Variants in TNN observed in about 807,000 individuals in gnomAD.
TNN encodes the protein tenascin N, also known as tenascin-N.
Under a neutral mutation model 134.4 loss-of-function variants are expected in TNN, and 122 were observed. The ratio of observed to expected loss-of-function variants is 0.91; its 90% CI spans 0.78 to 1.06. The LOEUF is 1.06. TNN is among the 50% of genes least tolerant of loss of function. The pLI is 0.00. For synonymous variants in TNN, 710 were observed against 670.3 expected, an observed-to-expected ratio of 1.06 and a Z score of -0.91; for missense variants, 1,739 against 1,699.4, an observed-to-expected ratio of 1.02 and a Z score of -0.41.
chr1:175,079,537 A>C lies in TNN; in HGVS notation c.614A>C (p.Asn205Thr). The C allele has an allele frequency of 1.3e-6, 2 of 1,567,668 alleles. No individual in the cohort carries two copies. The highest frequency in any genetic ancestry group is 1.7e-6 in the Non-Finnish European group (2 of 1,157,558). Reference protein sequence around the residue: ...ADCGYPACPENCSGHGECVRG... With the variant: ...ADCGYPACPETCSGHGECVRG... ...TGCGGCTACCCGGCCTGCCCTGAGAACTGCAGCGGACACGGCGAGTGCGTG... is the reference window on the plus strand; with the variant it reads ...TGCGGCTACCCGGCCTGCCCTGAGACCTGCAGCGGACACGGCGAGTGCGTG... Residue 205 changes from asparagine (N) to threonine (T), a missense_variant, in exon 3 of 19, where the codon AAC (asparagine) becomes ACC (threonine). Asn to Thr is a moderately conservative substitution (Grantham distance 65). Coordinates refer to ENST00000239462, the MANE Select transcript of TNN (RefSeq NM_022093.2).
intron 7 of TNN, among the ~76,000 whole-genome samples, 154 bp from the exon 8 acceptor site, chr1:175,097,263 C>T (rs1302337317): frequency 6.6e-6 from 1 of 152,170 alleles, no homozygotes; most frequent in Non-Finnish European, 1.5e-5. Flanking sequence ...GAATTTCAGA[C>T]CATTTGCTTA....
chr1:175,089,750 G>T (rs1486095467), intron 6 of TNN, among the ~76,000 whole-genome samples: 1 of 152,176 alleles, frequency 6.6e-6, no homozygotes, highest in Non-Finnish European at 1.5e-5. Flanking sequence ...CACAGCAAAG[G>T]TTATAGCCTA....
At position 175,145,552 on chromosome 1, in the gene TNN, C is replaced by CAA. The variant is rs3028580; in HGVS notation, c.3759+1024_3759+1025dup. On this transcript the variant is annotated intron_variant, in intron 18 of 18. Transcript: ENST00000239462. Reference sequence around the variant, plus strand: ...TGGGTGGCAGAGCAAGACCCTGTCTCAAAAAAAAAAAAAAAAAAAAAAAGC... The same window carrying CAA: ...TGGGTGGCAGAGCAAGACCCTGTCTCAAAAAAAAAAAAAAAAAAAAAAAAAGC... Among the ~76,000 whole-genome samples the CAA allele has an allele frequency of 9.2e-3, 265 of 28,846 alleles. 31 individuals are homozygous for CAA. The highest frequency in any genetic ancestry group is 0.029 in the Middle Eastern group (1 of 34). 18.9% of individuals were successfully genotyped at this position (28,846 alleles called of 152,430 possible).
rs972438595 is a variant in TNN at position 175,105,052 on chromosome 1, G to A, written c.2119+6457G>A. ...CAGTAGGGAAGTTGTCCCTTTCTTC[G>A]GCTGTCATTCTTTCATTTACTTGAC... On this transcript the variant is annotated intron_variant, in intron 9 of 18. Transcript: ENST00000239462. 6.9e-5 allele frequency among the ~76,000 whole-genome samples: 10 copies of A among 145,806 alleles called. 1 individual carries two copies. Among genetic ancestry groups the A allele is most frequent in the African/African-American group, 1.7e-4 (7 of 40,580 alleles).
At chr1:175,071,121 G>T (rs1673905629) in intron 1 of TNN, among the ~76,000 whole-genome samples, 1 of 152,206 alleles carries the variant, frequency 6.6e-6, no homozygotes, top group South Asian at 2.1e-4. Context: ...AAAACCCAAA[G>T]CAGTGCTTTC....
intron 9 of TNN, among the ~76,000 whole-genome samples, chr1:175,105,303 G>A (rs376593447): frequency 0.023 from 3,415 of 145,598 alleles, 458 homozygotes; most frequent in South Asian, 0.035. Flanking sequence ...ACATGCACCC[G>A]GGTTGGGCCA....
chr1:175,124,408 C>T (rs562944208), intron 12 of TNN, among the ~76,000 whole-genome samples: 52 of 152,298 alleles, frequency 3.4e-4, no homozygotes, highest in African/African-American at 1.1e-3. Context: ...CGGCCAGGCG[C>T]GGTGGCTCAT....
At chr1:175,089,288 C>A (rs1164605498) in intron 6 of TNN, among the ~76,000 whole-genome samples, 1 of 152,198 alleles carries the variant, frequency 6.6e-6, no homozygotes, top group Non-Finnish European at 1.5e-5. Context: ...TGACACCGTT[C>A]AGGGATTTTT....
chr1:175,107,167 G>A lies in TNN; in HGVS notation c.2119+8572G>A, dbSNP rs147546653. Reference sequence around the variant, plus strand: ...TTCAAGGATGAAGCCGCAAACCCTCGTGGTGAGTGTTACAGCTCTTAAGGT... The same window carrying A: ...TTCAAGGATGAAGCCGCAAACCCTCATGGTGAGTGTTACAGCTCTTAAGGT... On this transcript the variant is annotated intron_variant, in intron 9 of 18. Coordinates refer to ENST00000239462, the MANE Select transcript of TNN (RefSeq NM_022093.2). 5.6e-3 allele frequency among the ~76,000 whole-genome samples: 814 copies of A among 146,500 alleles called. 84 individuals are homozygous for A. The highest frequency in any genetic ancestry group is 9.9e-3 in the African/African-American group (402 of 40,718).
intron 2 of TNN, among the ~76,000 whole-genome samples, chr1:175,078,539 A>G (rs1233292095): frequency 1.3e-5 from 2 of 152,212 alleles, no homozygotes; most frequent in Admixed American, 6.5e-5. Flanking sequence ...AGGAATTGCT[A>G]TGGTAAAGAG....
At chr1:175,068,844 G>A (rs1166237460) in intron 1 of TNN, among the ~76,000 whole-genome samples, 2 of 152,156 alleles carry the variant, frequency 1.3e-5, no homozygotes, top group Non-Finnish European at 2.9e-5. Flanking sequence ...GGAGGTGGAG[G>A]TTGCGGTGAG....
At chr1:175,086,878 T>C (rs532006831) in intron 6 of TNN, among the ~76,000 whole-genome samples, 9 of 152,342 alleles carry the variant, frequency 5.9e-5, no homozygotes, top group African/African-American at 1.9e-4. Context: ...GTGAATTAAT[T>C]GAGAGCTTAC....
Position 175,098,516 on chromosome 1 carries a change from G to A in TNN, c.2040G>A (p.Pro680=), listed in dbSNP as rs769031710. 1.3e-5 allele frequency: 21 copies of A among 1,614,022 alleles called. No homozygotes were observed. The highest frequency in any genetic ancestry group is 6.6e-5 in the South Asian group (6 of 91,076). Residue 680 remains proline, a synonymous_variant, in exon 9 of 19, where the codon CCG becomes CCA. Coordinates refer to ENST00000239462, the MANE Select transcript of TNN (RefSeq NM_022093.2). ...GCACAGTCCTGACAGGCCTGAGACC[G>A]GGTATGGAGTACATGGTGCACGTGT... ...QSSTVLTGLR[P]GMEYMVHVWA...
intron 6 of TNN, among the ~76,000 whole-genome samples, chr1:175,092,944 T>C (rs1302775984): frequency 6.6e-6 from 1 of 152,220 alleles, no homozygotes; most frequent in African/African-American, 2.4e-5. Flanking sequence ...ATCTTGCATA[T>C]ACACCACTGA....
At chr1:175,115,365 C>A (rs905339563) in intron 9 of TNN, among the ~76,000 whole-genome samples, 8 of 151,956 alleles carry the variant, frequency 5.3e-5, no homozygotes, top group African/African-American at 1.7e-4. Flanking sequence ...CAGCTCAGGC[C>A]CCTACGAGTA....
At chr1:175,072,627 A>G (rs1465090768) in intron 1 of TNN, among the ~76,000 whole-genome samples, 6 of 152,160 alleles carry the variant, frequency 3.9e-5, no homozygotes, top group African/African-American at 1.4e-4. Flanking sequence ...CACGTGTTGG[A>G]GTGAGAGCCA....
At chr1:175,101,145 T>A (rs890444687) in intron 9 of TNN, among the ~76,000 whole-genome samples, 2 of 152,276 alleles carry the variant, frequency 1.3e-5, no homozygotes, top group Non-Finnish European at 1.5e-5. Context: ...TCGCGGTGAG[T>A]GTTACAGCTC....
At chr1:175,138,429 G>C (rs1675869479) in intron 17 of TNN, among the ~76,000 whole-genome samples, 1 of 152,116 alleles carries the variant, frequency 6.6e-6, no homozygotes, top group South Asian at 2.1e-4. Context: ...TTCCATAGGG[G>C]TGAATGAAAG....
chr1:175,119,629 C>CCTTT (rs1675291396), intron 11 of TNN, among the ~76,000 whole-genome samples: 1 of 133,496 alleles, frequency 7.5e-6, no homozygotes, highest in African/African-American at 3.1e-5. Flanking sequence ...CCATGAATGC[C>CCTTT]TTTTTTTTCT....
Sources: gnomAD v4.1 joint callset for allele counts (sites outside exome capture counted in the v4.1 genomes callset) on GRCh38, gnomAD v4.1.1 for gene constraint, MANE v1.5 for transcripts, NCBI Gene and HGNC (gene_info 2026-07-23, HGNC 2026-07-21) for gene names.